The following ALPK1 variants were observed in gnomAD, a reference collection of about 807,000 sequenced individuals.
ALPK1 encodes alpha-protein kinase 1.
ALPK1 carries 110 observed loss-of-function variants against 120.6 expected under a neutral mutation model. The observed-to-expected ratio is 0.91, with a 90% confidence interval of 0.78 to 1.07. The LOEUF is 1.07. Among genes scored for constraint, ALPK1 ranks in the 50% least tolerant of loss-of-function variants. The probability of loss-of-function intolerance (pLI) is 0.00; values close to 1 mark genes in which losing one functional copy is unlikely to be tolerated. For missense variants in ALPK1, 1,498 were observed against 1,483.9 expected, an observed-to-expected ratio of 1.01 and a Z score of -0.16; for synonymous variants, 582 against 560.3, an observed-to-expected ratio of 1.04 and a Z score of -0.55.
intron 8 of ALPK1, 60 bp from the exon 9 acceptor site, chr4:112,427,510 A>G (rs1734290692): frequency 8.4e-7 from 1 of 1,184,810 alleles, no homozygotes; most frequent in Non-Finnish European, 1.3e-6. Context: ...TAGGCCATGG[A>G]TGAGAGCAGT....
At chr4:112,365,398 C>T (rs1334666196) in intron 2 of ALPK1, among the ~76,000 whole-genome samples, 7 of 152,156 alleles carry the variant, frequency 4.6e-5, no homozygotes, top group Non-Finnish European at 1.0e-4. Context: ...ATCAGTAGCC[C>T]TACTATATAC....
chr4:112,421,033 A>G (rs934878404), intron 5 of ALPK1, among the ~76,000 whole-genome samples: 4 of 152,206 alleles, frequency 2.6e-5, no homozygotes, highest in African/African-American at 7.2e-5. Flanking sequence ...GGGTTTCACC[A>G]TATTGGTCAG....
chr4:112,395,508 T>A (rs1409537006), intron 4 of ALPK1, among the ~76,000 whole-genome samples: 1 of 152,184 alleles, frequency 6.6e-6, no homozygotes, highest in Non-Finnish European at 1.5e-5. Context: ...CTGTAAAAAC[T>A]TTTACACAGG....
At chr4:112,372,132 T>C in intron 2 of ALPK1, among the ~76,000 whole-genome samples, 1 of 152,246 alleles carries the variant, frequency 6.6e-6, no homozygotes, top group East Asian at 1.9e-4. Context: ...CTATATGCTG[T>C]TTCTACTTAA....
intron 2 of ALPK1, chr4:112,357,012 C>T (rs1206522796): frequency 1.3e-6 from 1 of 787,328 alleles, no homozygotes; most frequent in African/African-American, 1.7e-5. Context: ...CAGGGCCAGC[C>T]CCAACCGGAG....
chr4:112,297,865 A>G (rs1427150478), intron 1 of ALPK1, among the ~76,000 whole-genome samples: 1 of 152,058 alleles, frequency 6.6e-6, no homozygotes, highest in Non-Finnish European at 1.5e-5. Flanking sequence ...AAAAAACTCT[A>G]TGACTTTTGC....
At chr4:112,391,757 G>A (rs1005408095) in intron 4 of ALPK1, among the ~76,000 whole-genome samples, 13 of 152,154 alleles carry the variant, frequency 8.5e-5, no homozygotes, top group African/African-American at 1.2e-4. Context: ...CCCCACTGAC[G>A]TCTTGATTTC....
intron 1 of ALPK1, among the ~76,000 whole-genome samples, chr4:112,314,826 G>A (rs901163507): frequency 2.0e-5 from 3 of 151,148 alleles, no homozygotes; most frequent in Admixed American, 2.0e-4. Flanking sequence ...CTTTGAGAGG[G>A]TTATAGGAGA....
intron 2 of ALPK1, among the ~76,000 whole-genome samples, chr4:112,324,284 G>GCA (rs1316949608): frequency 6.7e-6 from 1 of 148,934 alleles, no homozygotes; most frequent in East Asian, 2.0e-4. Flanking sequence ...CCGAGATCAT[G>GCA]CCACTGCACT....
chr4:112,424,001 C>CGG lies in ALPK1; in HGVS notation c.535_535+1dup. ...AGTCTAATAAGCAACAATGGAGCAA[C>CGG]GGGTGAGTACTTTCATATCTTCACA... On this transcript the variant is annotated frameshift_variant and splice_region_variant, in exon 6 of 16. Coordinates refer to ENST00000650871, the MANE Select transcript of ALPK1 (RefSeq NM_025144.4). LOFTEE classifies it high-confidence loss of function. 6.2e-7 allele frequency: 1 copy of CGG among 1,613,524 alleles called. No homozygotes were observed. The highest frequency in any genetic ancestry group is 2.2e-5 in the East Asian group (1 of 44,866).
chr4:112,402,676 C>T (rs1179648656), intron 4 of ALPK1, among the ~76,000 whole-genome samples: 4 of 152,206 alleles, frequency 2.6e-5, no homozygotes, highest in Non-Finnish European at 5.9e-5. Flanking sequence ...AGAAATCCAG[C>T]ACATTCTCTC....
chr4:112,368,200 G>A (rs187792651), intron 2 of ALPK1, among the ~76,000 whole-genome samples: 9 of 152,332 alleles, frequency 5.9e-5, no homozygotes, highest in Admixed American at 2.6e-4. Context: ...TTACAGGCAT[G>A]AGCCACTGAT....
At chr4:112,426,632 C>G in intron 8 of ALPK1, 89 bp downstream of exon 8, 2 of 1,085,104 alleles carry the variant, frequency 1.8e-6, no homozygotes, top group Non-Finnish European at 2.6e-6. Flanking sequence ...TCTCATATAT[C>G]AATTTCATCT....
At chr4:112,325,671 T>G (rs1729084965) in intron 2 of ALPK1, among the ~76,000 whole-genome samples, 1 of 152,192 alleles carries the variant, frequency 6.6e-6, no homozygotes, top group Non-Finnish European at 1.5e-5. Context: ...CCTGCCCCAC[T>G]TTGTCCTGGA....
chr4:112,394,511 A>G (rs2148736675), intron 4 of ALPK1, among the ~76,000 whole-genome samples: 1 of 152,360 alleles, frequency 6.6e-6, no homozygotes, highest in South Asian at 2.1e-4. Flanking sequence ...GGAAAATATT[A>G]GCCCCAAGGC....
intron 4 of ALPK1, among the ~76,000 whole-genome samples, chr4:112,398,141 A>G (rs182090034): frequency 2.0e-5 from 3 of 152,198 alleles, no homozygotes; most frequent in Non-Finnish European, 4.4e-5. Context: ...TTGCAGATGG[A>G]AGGAGCAACA....
intron 1 of ALPK1, among the ~76,000 whole-genome samples, chr4:112,298,583 C>T (rs1226295697): frequency 6.6e-6 from 1 of 152,092 alleles, no homozygotes; most frequent in African/African-American, 2.4e-5. Flanking sequence ...CAAGAAGACA[C>T]CAAAATTGTA....
intron 2 of ALPK1, among the ~76,000 whole-genome samples, chr4:112,325,958 G>A (rs1245505861): frequency 6.6e-6 from 1 of 152,118 alleles, no homozygotes; most frequent in Non-Finnish European, 1.5e-5. Flanking sequence ...AGCGAGCAGT[G>A]CCTTACTCAA....
chr4:112,332,559 T>C (rs1476017898), intron 2 of ALPK1, among the ~76,000 whole-genome samples: 1 of 152,200 alleles, frequency 6.6e-6, no homozygotes, highest in East Asian at 1.9e-4. Context: ...TCCTGTGAAA[T>C]GGTGAAATGA....
Sources: allele counts gnomAD v4.1 joint callset (sites outside exome capture counted in the v4.1 genomes callset), GRCh38; gene constraint gnomAD v4.1.1; transcripts MANE v1.5; gene names NCBI Gene and HGNC (gene_info 2026-07-23, HGNC 2026-07-21).